Variants in DPYS observed in about 807,000 individuals in gnomAD.
The protein encoded by DPYS is dihydropyrimidinase.
A neutral mutation model predicts 50.3 loss-of-function variants in DPYS; 39 were observed. That is an observed-to-expected ratio of 0.78 (90% confidence interval 0.60 to 1.01). The LOEUF is 1.01. Ranked by LOEUF, DPYS falls within the 50% of genes least tolerant of loss-of-function variation. DPYS has a pLI of 0.00. For synonymous variants in DPYS, 245 were observed against 250.7 expected (o/e 0.98, Z 0.22); for missense variants, 659 against 680.9 (o/e 0.97, Z 0.36).
In DPYS at chr8:104,429,574, T is replaced by C; in HGVS notation, c.921A>G (p.Thr307=). 2 of 1,613,952 alleles carry C rather than the reference T, an allele frequency of 1.2e-6. No individual in the cohort carries two copies. Among genetic ancestry groups the C allele is most frequent in the East Asian group, 4.5e-5 (2 of 44,856 alleles). ...CCAACAGATTCATGAGGAAGTCGGG[T>C]GTTGAGGGGTCTGGTCGCAAAGGTG... ...MGPPLRPDPS[T]PDFLMNLLAN... Residue 307 remains threonine, a synonymous_variant, in exon 5 of 10, where the codon ACA becomes ACG. Coordinates refer to ENST00000351513, the MANE Select transcript of DPYS (RefSeq NM_001385.3).
At chr8:104,380,101 C>A (rs1810982398) in intron 9 of DPYS, among the ~76,000 whole-genome samples, 1 of 151,938 alleles carries the variant, frequency 6.6e-6, no homozygotes, top group Admixed American at 6.6e-5. Context: ...AGACTTTGGG[C>A]TAGATAGTCC....
chr8:104,442,458 A>G (rs900243249), intron 4 of DPYS, among the ~76,000 whole-genome samples: 1 of 152,240 alleles, frequency 6.6e-6, no homozygotes, highest in South Asian at 2.1e-4. Flanking sequence ...CGACTTAACA[A>G]AGGAAATAAT....
intron 7 of DPYS, among the ~76,000 whole-genome samples, chr8:104,401,525 G>A (rs1811808407): frequency 6.6e-6 from 1 of 152,100 alleles, no homozygotes; most frequent in South Asian, 2.1e-4. Context: ...TACCTGGAAA[G>A]CATGCGGTTG....
chr8:104,444,507 A>G, intron 3 of DPYS, 70 bp from the exon 4 acceptor site: 3 of 1,553,374 alleles, frequency 1.9e-6, no homozygotes, highest in Non-Finnish European at 2.6e-6. Flanking sequence ...TTATTTTATC[A>G]TAAATTAAAT....
At chr8:104,441,842 T>C (rs1273261018) in intron 4 of DPYS, among the ~76,000 whole-genome samples, 1 of 152,230 alleles carries the variant, frequency 6.6e-6, no homozygotes, top group African/African-American at 2.4e-5. Flanking sequence ...AGGGGACTTG[T>C]TGAATAAATA....
intron 8 of DPYS, among the ~76,000 whole-genome samples, chr8:104,388,631 T>C (rs142142956): frequency 1.9e-3 from 287 of 152,344 alleles, no homozygotes; most frequent in Admixed American, 4.2e-3. Context: ...TTATATGAAG[T>C]TGAAGTTGAA....
At chr8:104,392,692 G>A in intron 8 of DPYS, 92 bp downstream of exon 8, 1 of 1,486,122 alleles carries the variant, frequency 6.7e-7, no homozygotes, top group Middle Eastern at 2.1e-4. Flanking sequence ...AGTGTGATGT[G>A]TCAACACCAC....
chr8:104,392,787 G>A lies in DPYS; in HGVS notation c.1440C>T (p.Asp480=). 1 of 1,614,072 alleles carries A rather than the reference G, an allele frequency of 6.2e-7. No homozygotes were observed. Among genetic ancestry groups the A allele is most frequent in the Non-Finnish European group, 8.5e-7 (1 of 1,179,974 alleles). Residue 480 remains aspartate, a synonymous_variant, in exon 8 of 10, where the codon GAC becomes GAT. Transcript: ENST00000351513. The stretch of plus-strand genomic sequence containing the variant: ...TATCCCACTGTGGCACACTCACCCG[G>A]TCTCGCTGCTTTATTCGTTTGTAAA... ...EYIYKRIKQR[D]RTCTPTPVER... is the part of the protein sequence containing the mutation.
At chr8:104,464,898 T>C (rs1814305222) in intron 1 of DPYS, among the ~76,000 whole-genome samples, 1 of 152,246 alleles carries the variant, frequency 6.6e-6, no homozygotes, top group South Asian at 2.1e-4. Flanking sequence ...TGCATATTAC[T>C]TTTTAGCAAA....
chr8:104,450,047 T>G (rs1306645399), intron 2 of DPYS, among the ~76,000 whole-genome samples: 1 of 150,162 alleles, frequency 6.7e-6, no homozygotes, highest in African/African-American at 2.5e-5. Flanking sequence ...GAAGCACTGA[T>G]AAGGACAAAC....
At chr8:104,464,138 T>C (rs2140784210) in intron 1 of DPYS, among the ~76,000 whole-genome samples, 1 of 152,350 alleles carries the variant, frequency 6.6e-6, no homozygotes, top group East Asian at 1.9e-4. Flanking sequence ...ATGAAGAACA[T>C]GTTTTTGTTT....
intron 4 of DPYS, among the ~76,000 whole-genome samples, chr8:104,437,383 A>C (rs1362411293): frequency 6.6e-6 from 1 of 152,202 alleles, no homozygotes; most frequent in Non-Finnish European, 1.5e-5. Flanking sequence ...CACCAAAACC[A>C]AAATGACAAC....
In DPYS at chr8:104,392,852, C is replaced by T; in HGVS notation, c.1375G>A (p.Asp459Asn). ...GGTTTTCGAGGAATAAACTTCCCATCTCCTGCCGTGACACTGAACACTCCG... is the reference window on the plus strand; with the variant it reads ...GGTTTTCGAGGAATAAACTTCCCATTTCCTGCCGTGACACTGAACACTCCG... The part of the protein sequence containing the change: ...EAGVFSVTAG[D>N]GKFIPRKPFA... Residue 459 changes from aspartate (D) to asparagine (N), a missense_variant, in exon 8 of 10, where the codon GAT becomes AAT. By Grantham distance (23) the Asp-to-Asn change is conservative. Coordinates refer to ENST00000351513, the MANE Select transcript of DPYS (RefSeq NM_001385.3). The T allele has an allele frequency of 1.2e-6, 2 of 1,614,190 alleles. No individual in the cohort carries two copies. Among genetic ancestry groups the T allele is most frequent in the South Asian group, 2.2e-5 (2 of 91,080 alleles).
At chr8:104,441,474 G>C (rs185308838) in intron 4 of DPYS, among the ~76,000 whole-genome samples, 1 of 152,302 alleles carries the variant, frequency 6.6e-6, no homozygotes, top group Admixed American at 6.5e-5. Flanking sequence ...GAAATGGGGA[G>C]ATTATCCTGA....
At position 104,392,832 on chromosome 8, in the gene DPYS, T is replaced by C. The variant is rs1252242370; in HGVS notation, c.1395A>G (p.Arg465=). Reference sequence around the variant, plus strand: ...TGTAAATATATTCAGCAAATGGTTTTCGAGGAATAAACTTCCCATCTCCTG... The same window carrying C: ...TGTAAATATATTCAGCAAATGGTTTCCGAGGAATAAACTTCCCATCTCCTG... ...VTAGDGKFIP[R]KPFAEYIYKR... The change falls in exon 8 of 10, where the codon CGA becomes CGG. Residue 465 remains arginine, a synonymous_variant. Transcript: ENST00000351513. The C allele has an allele frequency of 6.2e-7, 1 of 1,614,178 alleles. No individual in the cohort carries two copies. Among genetic ancestry groups the C allele is most frequent in the Admixed American group, 1.7e-5 (1 of 60,018 alleles).
At chr8:104,450,159 A>AAGGGAGGGAGGGAGGGAGGGAGGG (rs59958002) in intron 2 of DPYS, among the ~76,000 whole-genome samples, 1 of 120,454 alleles carries the variant, frequency 8.3e-6, no homozygotes, top group African/African-American at 3.2e-5. Context: ...GGAAGGGAGG[A>AAGGGAGGGAGGGAGGGAGGGAGGG]AGGGAGGGAG....
chr8:104,416,866 C>T (rs1335382498), intron 7 of DPYS, among the ~76,000 whole-genome samples: 1 of 152,088 alleles, frequency 6.6e-6, no homozygotes, highest in East Asian at 1.9e-4. Flanking sequence ...CTTCTCCCTC[C>T]CCACGCCCTA....
intron 8 of DPYS, among the ~76,000 whole-genome samples, chr8:104,389,569 A>G (rs888387484): frequency 6.7e-6 from 1 of 149,990 alleles, no homozygotes; most frequent in African/African-American, 2.5e-5. Flanking sequence ...ACAGAGGTCC[A>G]GTGGTACAGT....
chr8:104,384,127 C>A (rs977582721), intron 8 of DPYS, among the ~76,000 whole-genome samples: 1 of 152,224 alleles, frequency 6.6e-6, no homozygotes, highest in Non-Finnish European at 1.5e-5. Flanking sequence ...GGGAGCCACA[C>A]CTGCGTGCAC....
Sources: allele counts gnomAD v4.1 joint callset (sites outside exome capture counted in the v4.1 genomes callset), GRCh38; gene constraint gnomAD v4.1.1; transcripts MANE v1.5; gene names NCBI Gene and HGNC (gene_info 2026-07-23, HGNC 2026-07-21).